The following VAV1 variants were observed in gnomAD, a reference collection of about 807,000 sequenced individuals.
The protein encoded by VAV1 is proto-oncogene vav.
Under a neutral mutation model 128.1 loss-of-function variants are expected in VAV1, and 33 were observed. That is an observed-to-expected ratio of 0.26 (90% CI 0.20 to 0.34). The LOEUF (loss-of-function observed/expected upper bound fraction) is 0.34. Ranked by LOEUF, VAV1 falls within the 10% of genes least tolerant of loss-of-function variation. The pLI, the probability that VAV1 is intolerant of heterozygous loss-of-function variation, is 1.00. For synonymous variants in VAV1, 394 were observed against 409.8 expected (o/e 0.96, Z 0.47); for missense variants, 715 against 1,093.7 (o/e 0.65, Z 4.88).
intron 15 of VAV1, 126 bp downstream of exon 15, chr19:6,832,326 T>C: frequency 1.1e-6 from 1 of 878,048 alleles, no homozygotes; most frequent in Non-Finnish European, 1.8e-6. Context: ...GTCTCTTCAT[T>C]TGGGAAATAA....
intron 1 of VAV1, among the ~76,000 whole-genome samples, chr19:6,803,991 A>G (rs906684063): frequency 2.0e-5 from 3 of 152,174 alleles, no homozygotes; most frequent in Non-Finnish European, 2.9e-5. Flanking sequence ...GCTACATACT[A>G]TATGATACCA....
At chr19:6,784,647 C>T (rs577426907) in intron 1 of VAV1, among the ~76,000 whole-genome samples, 4 of 152,212 alleles carry the variant, frequency 2.6e-5, no homozygotes, top group African/African-American at 7.2e-5. Context: ...GCAAGTGCCA[C>T]CACACCTAGC....
At chr19:6,807,989 C>CAA (rs980612666) in intron 1 of VAV1, among the ~76,000 whole-genome samples, 2,249 of 52,156 alleles carry the variant, frequency 0.043, 100 homozygotes, top group African/African-American at 0.095. Flanking sequence ...GACTCTGTCT[C>CAA]AAAAAAAAAA....
Position 6,804,412 on chromosome 19 carries a change from A to ATATTTATT in VAV1, c.205-16275_205-16268dup, listed in dbSNP as rs57358249. 3.3e-5 allele frequency among the ~76,000 whole-genome samples: 5 copies of ATATTTATT among 151,118 alleles called. No homozygotes were observed. The East Asian group carries it at 5.9e-4, about 18-fold the overall frequency. On this transcript the variant is annotated intron_variant, in intron 1 of 26. Transcript: ENST00000602142. ...TCAGGGCAGTTTGGCGGTCCTATTT[A>ATATTTATT]TATTTATTTATTTATTTATTTAGAG...
At chr19:6,825,531 G>T in intron 8 of VAV1, 125 bp downstream of exon 8, 4 of 753,044 alleles carry the variant, frequency 5.3e-6, no homozygotes, top group Non-Finnish European at 8.7e-6. Flanking sequence ...GTTCATGGGC[G>T]AGGGGCTGCC....
chr19:6,822,204 G>C lies in VAV1; in HGVS notation c.450-17G>C. ...TCTGGGAGAGGTCCAAGGGATCCCT[G>C]ACCTCACAACCCACAGCGACACGGT... On this transcript the variant is annotated splice_polypyrimidine_tract_variant and intron_variant, in intron 4 of 26. Transcript: ENST00000602142. The surrounding 1 kb of genome is among the most constrained non-coding windows in gnomAD (Gnocchi z 5.9). 1 of 1,564,210 alleles carries C rather than the reference G, an allele frequency of 6.4e-7. No homozygotes were observed. Among genetic ancestry groups the C allele is most frequent in the South Asian group, 1.2e-5 (1 of 85,016 alleles).
chr19:6,844,912 T>G (rs1972479625), intron 22 of VAV1, among the ~76,000 whole-genome samples: 1 of 151,930 alleles, frequency 6.6e-6, no homozygotes, highest in Admixed American at 6.6e-5. Flanking sequence ...AAACTGTAAC[T>G]AAAGACAGGA....
intron 1 of VAV1, among the ~76,000 whole-genome samples, chr19:6,797,260 G>A (rs1219720412): frequency 6.7e-6 from 1 of 149,918 alleles, no homozygotes; most frequent in East Asian, 2.0e-4. Context: ...ATTGCATAGT[G>A]AATGAAGGAG....
chr19:6,780,121 T>TAAG (rs1970738105), intron 1 of VAV1, among the ~76,000 whole-genome samples: 1 of 87,930 alleles, frequency 1.1e-5, no homozygotes, highest in Non-Finnish European at 2.5e-5. Context: ...AAAATAATAA[T>TAAG]AATAATAATA....
At chr19:6,824,976 T>C (rs1971881220) in intron 6 of VAV1, 77 bp from the exon 7 acceptor site, 1 of 1,461,500 alleles carries the variant, frequency 6.8e-7, no homozygotes, top group Non-Finnish European at 9.6e-7. Context: ...TCTCTCTGTC[T>C]CCTTCCCCTG....
intron 1 of VAV1, among the ~76,000 whole-genome samples, chr19:6,791,448 C>A (rs928927850): frequency 6.6e-6 from 1 of 151,824 alleles, no homozygotes. Context: ...GGTCCTTGAG[C>A]TAGCTCCTTA....
chr19:6,847,656 G>A (rs898145631), intron 22 of VAV1, among the ~76,000 whole-genome samples: 1 of 151,806 alleles, frequency 6.6e-6, no homozygotes. Context: ...ACTTCTGTCC[G>A]GGTGACCACA....
chr19:6,833,860 C>T (rs2144794870), intron 18 of VAV1, 48 bp from the exon 19 acceptor site: 1 of 1,614,020 alleles, frequency 6.2e-7, no homozygotes, highest in Non-Finnish European at 8.5e-7. Context: ...GCCTACAAGC[C>T]CCCAGGCTGG....
rs752552285 is a variant in VAV1 at position 6,833,593 on chromosome 19, G to T, written c.1676G>T (p.Gly559Val). 3 of 1,613,852 alleles carry T rather than the reference G, an allele frequency of 1.9e-6. No homozygotes were observed. In the South Asian group the frequency reaches 3.3e-5, roughly 18 times the overall value. The change falls in exon 17 of 27, where the codon GGG becomes GTG. Residue 559 changes from glycine (G) to valine (V), a missense_variant. Physicochemically the swap from Gly to Val is moderately radical, Grantham distance 109. Coordinates refer to ENST00000602142, the MANE Select transcript of VAV1 (RefSeq NM_005428.4). Reference protein sequence around the residue: ...CRASAHKECLGRVPPCGRHGQ... With the variant: ...CRASAHKECLVRVPPCGRHGQ... ...GCATCTGCACACAAGGAGTGTCTGG[G>T]GAGGGTCCCTCCATGTGGCCGACAT...
At chr19:6,803,611 C>A (rs2144734906) in intron 1 of VAV1, among the ~76,000 whole-genome samples, 1 of 152,234 alleles carries the variant, frequency 6.6e-6, no homozygotes, top group South Asian at 2.1e-4. Context: ...GTTGTCCAGG[C>A]TAGAGTGCAA....
At chr19:6,804,157 T>C (rs944507427) in intron 1 of VAV1, among the ~76,000 whole-genome samples, 2 of 151,690 alleles carry the variant, frequency 1.3e-5, no homozygotes, top group Non-Finnish European at 2.9e-5. Flanking sequence ...TGGATACCCA[T>C]CATCATACAT....
In VAV1 at chr19:6,822,334, G is replaced by A. The variant is rs529141095; in HGVS notation, c.558+5G>A. 1.4e-5 allele frequency: 22 copies of A among 1,540,070 alleles called. No homozygotes were observed. The East Asian group carries it at 4.8e-4, about 33-fold the overall frequency. The stretch of plus-strand genomic sequence containing the variant: ...TCGGAGCCCGTGTCCATGCCGGTGC[G>A]TGACGTGGAGGGTCGGGCCTGGGGA... On this transcript the variant is annotated splice_donor_5th_base_variant and intron_variant, in intron 5 of 26. Transcript: ENST00000602142. This position sits in a 1 kb window ranked among gnomAD's most constrained non-coding sequence, Gnocchi z 5.9.
intron 1 of VAV1, among the ~76,000 whole-genome samples, chr19:6,817,964 G>A (rs1182850013): frequency 2.6e-5 from 4 of 152,176 alleles, no homozygotes; most frequent in South Asian, 2.1e-4. Flanking sequence ...GGGATTACAG[G>A]CATGAGCCAC....
At chr19:6,788,639 C>T (rs1363916935) in intron 1 of VAV1, among the ~76,000 whole-genome samples, 1 of 152,098 alleles carries the variant, frequency 6.6e-6, no homozygotes, top group Non-Finnish European at 1.5e-5. Flanking sequence ...TCCCCAAGTG[C>T]TGGGATTACA....
Sources: allele counts gnomAD v4.1 joint callset (sites outside exome capture counted in the v4.1 genomes callset), GRCh38; gene constraint gnomAD v4.1.1; non-coding constraint Gnocchi (gnomAD v3.1); transcripts MANE v1.5; gene names NCBI Gene and HGNC (gene_info 2026-07-23, HGNC 2026-07-21).